Variants in LCA5 observed in about 807,000 individuals in gnomAD.
LCA5 encodes lebercilin.
LCA5 carries 37 observed loss-of-function variants against 53.0 expected under a neutral mutation model. The ratio of observed to expected loss-of-function variants is 0.70; its 90% CI spans 0.54 to 0.92. The LOEUF (loss-of-function observed/expected upper bound fraction) is 0.92, where lower values mean the gene tolerates loss of function less well. LCA5 is among the 40% of genes least tolerant of loss of function. LCA5 has a pLI of 0.00. For synonymous variants in LCA5, 303 were observed against 282.9 expected, an observed-to-expected ratio of 1.07 and a Z score of -0.71; for missense variants, 806 against 790.5, an observed-to-expected ratio of 1.02 and a Z score of -0.23.
At chr6:79,533,977 A>G (rs1032149310) in intron 1 of LCA5, among the ~76,000 whole-genome samples, 13 of 151,098 alleles carry the variant, frequency 8.6e-5, no homozygotes, top group African/African-American at 3.2e-4. Flanking sequence ...AAATAAGGAC[A>G]TTTCTCCTCC....
chr6:79,513,968 G>A (rs964492318), intron 2 of LCA5, among the ~76,000 whole-genome samples: 1 of 152,012 alleles, frequency 6.6e-6, no homozygotes. Context: ...TAGTTTATAC[G>A]GAATTATTCT....
rs538864087 is a variant in LCA5, at chr6:79,537,387, G to A, written c.-414C>T. 6.3e-4 allele frequency: 96 copies of A among 152,894 alleles called. No homozygotes were observed. The highest frequency in any genetic ancestry group is 1.2e-3 in the Non-Finnish European group (84 of 68,488). 9.5% of individuals were successfully genotyped at this position (152,894 alleles called of 1,614,324 possible). The stretch of plus-strand genomic sequence containing the variant: ...GGATCGGGGCTCCTGGGTGGCAGCG[G>A]CGGTAACCTGGGCTCCAGGGTAACG... On this transcript the variant is annotated 5_prime_UTR_variant, in exon 1 of 8. Coordinates refer to ENST00000369846, the MANE Select transcript of LCA5 (RefSeq NM_001122769.3).
intron 3 of LCA5, among the ~76,000 whole-genome samples, chr6:79,503,588 A>G (rs938130681): frequency 1.2e-4 from 19 of 152,178 alleles, no homozygotes; most frequent in African/African-American, 4.6e-4. Context: ...ATGTACTTTT[A>G]GTATATTTCT....
At chr6:79,507,311 C>G (rs1173459223) in intron 3 of LCA5, among the ~76,000 whole-genome samples, 1 of 152,074 alleles carries the variant, frequency 6.6e-6, no homozygotes, top group Non-Finnish European at 1.5e-5. Flanking sequence ...ATATAATGAG[C>G]TGCTTATTAC....
intron 1 of LCA5, among the ~76,000 whole-genome samples, chr6:79,535,221 G>C (rs527822043): frequency 6.6e-6 from 1 of 152,102 alleles, no homozygotes; most frequent in African/African-American, 2.4e-5. Flanking sequence ...GGACTGGATC[G>C]GGTGGAAGAT....
At chr6:79,495,518 G>A (rs1032602230) in intron 3 of LCA5, among the ~76,000 whole-genome samples, 4 of 152,074 alleles carry the variant, frequency 2.6e-5, no homozygotes, top group South Asian at 2.1e-4. Context: ...CTGGGAGGCC[G>A]AGGCAGTGGG....
intron 1 of LCA5, among the ~76,000 whole-genome samples, chr6:79,523,213 C>G (rs1212679056): frequency 1.3e-5 from 2 of 152,000 alleles, no homozygotes; most frequent in Non-Finnish European, 2.9e-5. Flanking sequence ...TCAAAATTAG[C>G]AACTGTATCT....
At chr6:79,488,238 G>A (rs1769729062) in intron 7 of LCA5, 3 of 174,278 alleles carry the variant, frequency 1.7e-5, no homozygotes, top group Non-Finnish European at 1.2e-5. Flanking sequence ...TCCTGAGATA[G>A]ACTTATGTGG....
At chr6:79,517,485 C>T (rs1766473743) in intron 2 of LCA5, among the ~76,000 whole-genome samples, 1 of 152,006 alleles carries the variant, frequency 6.6e-6, no homozygotes, top group Admixed American at 6.6e-5. Flanking sequence ...CTTAATTATA[C>T]AGCAAAAGTT....
At position 79,487,070 on chromosome 6, in the gene LCA5, G is replaced by A. The variant is rs768387283; in HGVS notation, c.2028C>T (p.Asp676=). The A allele has an allele frequency of 1.6e-5, 26 of 1,613,562 alleles. No individual in the cohort carries two copies. In the East Asian group the frequency reaches 2.2e-4, roughly 14 times the overall value. Residue 676 remains aspartate, a synonymous_variant, in exon 8 of 8, where the codon GAC becomes GAT. Coordinates refer to ENST00000369846, the MANE Select transcript of LCA5 (RefSeq NM_001122769.3). The stretch of plus-strand genomic sequence containing the variant: ...CAGCTGCTTTTACTGCTGGTTTATC[G>A]TCTGCATGTTTTAATCGGTGCCTAT... ...NPNRHRLKHA[D]DKPAVKAADS...
chr6:79,492,391 G>C (rs1328854836), intron 5 of LCA5, among the ~76,000 whole-genome samples, 160 bp downstream of exon 5: 1 of 151,690 alleles, frequency 6.6e-6, no homozygotes, highest in African/African-American at 2.4e-5. Context: ...AAACAGAAAA[G>C]GATTTCTGAA....
rs1274263907 is a variant in LCA5, at chr6:79,490,204, C to T, written c.1099-988G>A. Among the ~76,000 whole-genome samples the T allele has an allele frequency of 2.0e-5, 3 of 152,192 alleles. No homozygotes were observed. In the East Asian group the frequency reaches 5.8e-4, roughly 29 times the overall value. ...TTTTCCAATAGCAACTTAGCTTGTA[C>T]TCTAAGCTACCATTTGGTGAGGCCC... On this transcript the variant is annotated intron_variant, in intron 6 of 7. Transcript: ENST00000369846.
In LCA5 at chr6:79,537,350, G is replaced by A. The variant is rs574142090; in HGVS notation, c.-377C>T. 1.3e-5 allele frequency: 2 copies of A among 152,822 alleles called. No individual in the cohort carries two copies. The highest frequency in any genetic ancestry group is 2.1e-4 in the South Asian group (1 of 4,842). The allele number at this position is 152,822 out of a possible 1,614,324, so 9.5% of individuals were successfully genotyped here. On this transcript the variant is annotated 5_prime_UTR_variant, in exon 1 of 8. Transcript: ENST00000369846. ...TGCGGGAGGTTTGAACACAAGGATG[G>A]GACAGAGGCGAGGATCGGGGCTCCT... is the stretch of plus-strand genomic sequence containing the variant.
At chr6:79,531,836 C>T (rs1266335662) in intron 1 of LCA5, among the ~76,000 whole-genome samples, 2 of 152,146 alleles carry the variant, frequency 1.3e-5, no homozygotes, top group Non-Finnish European at 2.9e-5. Flanking sequence ...GTTGAATAAT[C>T]TGCTTCCTCT....
intron 1 of LCA5, among the ~76,000 whole-genome samples, chr6:79,527,434 G>T (rs1766824295): frequency 6.6e-6 from 1 of 152,328 alleles, no homozygotes; most frequent in African/African-American, 2.4e-5. Flanking sequence ...AACCAAGATG[G>T]TAGCACCACA....
chr6:79,485,186 C>T lies in LCA5; in HGVS notation c.*1818G>A, dbSNP rs941279120. On this transcript the variant is annotated 3_prime_UTR_variant, in exon 8 of 8. Transcript: ENST00000369846. ...AACTTTAGGTTTAATTTTAATAATT[C>T]TGTCTTGTTGCATCTTGTTAAAGAG... 7 of 152,404 alleles carry T rather than the reference C, an allele frequency of 4.6e-5. No homozygotes were observed. Among genetic ancestry groups the T allele is most frequent in the Non-Finnish European group, 1.0e-4 (7 of 67,964 alleles). 9.4% of individuals were successfully genotyped at this position (152,404 alleles called of 1,614,324 possible).
chr6:79,508,259 T>C (rs1200159345), intron 3 of LCA5, among the ~76,000 whole-genome samples: 1 of 152,188 alleles, frequency 6.6e-6, no homozygotes, highest in Non-Finnish European at 1.5e-5. Flanking sequence ...ACAACTGTCA[T>C]GGTGGTTGTC....
At chr6:79,527,908 T>C (rs893542385) in intron 1 of LCA5, among the ~76,000 whole-genome samples, 4 of 152,162 alleles carry the variant, frequency 2.6e-5, no homozygotes, top group African/African-American at 9.7e-5. Context: ...ATAAACACTT[T>C]AGTCCACCAA....
intron 3 of LCA5, 148 bp from the exon 4 acceptor site, chr6:79,493,898 G>T: frequency 1.6e-6 from 1 of 608,730 alleles, no homozygotes; most frequent in Non-Finnish European, 2.8e-6. Flanking sequence ...CATAAGCTGG[G>T]AAACAGATTT....
Sources: gnomAD v4.1 joint callset for allele counts (sites outside exome capture counted in the v4.1 genomes callset) on GRCh38, gnomAD v4.1.1 for gene constraint, MANE v1.5 for transcripts, NCBI Gene and HGNC (gene_info 2026-07-23, HGNC 2026-07-21) for gene names.